Variants in IDO2 observed in about 807,000 individuals in gnomAD.
IDO2 encodes indoleamine 2,3-dioxygenase-like 1 protein.
IDO2 carries 46 observed loss-of-function variants against 45.1 expected under a neutral mutation model. The observed-to-expected ratio is 1.02, with a 90% confidence interval of 0.80 to 1.30. The LOEUF (loss-of-function observed/expected upper bound fraction) is 1.30. Ranked by LOEUF, IDO2 falls within the 50% of genes most tolerant of loss-of-function variation. The probability of loss-of-function intolerance (pLI) is 0.00; values close to 1 mark genes in which losing one functional copy is unlikely to be tolerated. For synonymous variants in IDO2, 218 were observed against 184.9 expected (o/e 1.18, Z -1.45); for missense variants, 544 against 491.8 (o/e 1.11, Z -1.00).
intron 3 of IDO2, among the ~76,000 whole-genome samples, chr8:39,967,814 T>G (rs561951378): frequency 1.3e-5 from 2 of 152,346 alleles, no homozygotes; most frequent in Admixed American, 1.3e-4. Flanking sequence ...CCTATTTGTA[T>G]GGCTAATTTT....
exon 1 of IDO2, chr8:39,935,016 C>T: frequency 1.4e-6 from 1 of 702,652 alleles, no homozygotes. Context: ...GATGAAAATG[C>T]ACTGCCAGTT....
intron 2 of IDO2, 116 bp downstream of exon 2, chr8:39,949,380 T>C: frequency 1.4e-6 from 1 of 716,492 alleles, no homozygotes; most frequent in Non-Finnish European, 2.2e-6. Context: ...TCAAGTTGTT[T>C]ACCTGAGAAA....
chr8:39,969,875 CAA>C (rs34762202), intron 3 of IDO2, among the ~76,000 whole-genome samples: 39,244 of 140,750 alleles, frequency 0.28, 5,830 homozygotes, highest in South Asian at 0.38. Context: ...AACTCCTTCT[CAA>C]AAAAAAAAAA....
intron 3 of IDO2, 103 bp downstream of exon 3, chr8:39,963,806 A>AATGGTAATGAACAG: frequency 1.5e-6 from 1 of 674,336 alleles, no homozygotes; most frequent in Non-Finnish European, 2.5e-6. Context: ...GAAACTGTTC[A>AATGGTAATGAACAG]TTACCATTGA....
At chr8:40,013,532 C>G (rs1340792574) in intron 9 of IDO2, 33 bp from the exon 10 acceptor site, 2 of 1,596,176 alleles carry the variant, frequency 1.3e-6, no homozygotes, top group African/African-American at 1.3e-5. Context: ...CTCCCTGCAC[C>G]CCTTTCATCT....
rs572050408 is a variant in IDO2, at chr8:39,995,847, G to C, written c.667+6009G>C. 1.7e-4 allele frequency among the ~76,000 whole-genome samples: 26 copies of C among 152,278 alleles called. No individual in the cohort carries two copies. In the East Asian group the frequency reaches 3.9e-3, roughly 23 times the overall value. On this transcript the variant is annotated intron_variant, in intron 8 of 10. Transcript: ENST00000502986. ...GTGAGCCTTCTGTTATGCCCGGACA[G>C]GGCCACTAGAGGGCTCCTTGGTCTA... is the stretch of plus-strand genomic sequence containing the variant.
intron 9 of IDO2, 118 bp from the exon 10 acceptor site, chr8:40,013,447 C>T: frequency 2.0e-6 from 2 of 995,358 alleles, no homozygotes; most frequent in Non-Finnish European, 1.5e-6. Flanking sequence ...CAATCCCTCA[C>T]CCTAAAATTA....
chr8:39,964,752 CAAAAATAA>C (rs1563429192), intron 3 of IDO2, among the ~76,000 whole-genome samples: 2 of 151,616 alleles, frequency 1.3e-5, no homozygotes, highest in Admixed American at 6.6e-5. Flanking sequence ...CAAAGAAATC[CAAAAATAA>C]GAAAAAAACT....
Position 39,987,542 on chromosome 8 carries a change from C to T in IDO2, c.450-329C>T, listed in dbSNP as rs992811382. ...GGACTTGGCTGTTGCCTGGGTCTCT[C>T]TAGCCCTGTGGAGAATCAGCTACAT... On this transcript the variant is annotated intron_variant, in intron 6 of 10. Transcript: ENST00000502986. The T allele has an allele frequency of 7.6e-5, 16 of 211,052 alleles. No homozygotes were observed. In the South Asian group the frequency reaches 2.2e-3, roughly 29 times the overall value. 13.1% of individuals were successfully genotyped at this position (211,052 alleles called of 1,614,324 possible).
intron 6 of IDO2, chr8:39,987,348 A>G (rs1434549520): frequency 6.6e-6 from 1 of 152,274 alleles, no homozygotes; most frequent in Non-Finnish European, 1.5e-5. Flanking sequence ...GTATTTCTTT[A>G]TAGCAGTGTA....
intron 3 of IDO2, among the ~76,000 whole-genome samples, chr8:39,970,517 C>T (rs984060950): frequency 1.5e-4 from 23 of 152,174 alleles, no homozygotes; most frequent in African/African-American, 5.1e-4. Flanking sequence ...TCAGCCTTCC[C>T]AGTACCTGGG....
intron 2 of IDO2, among the ~76,000 whole-genome samples, chr8:39,955,357 T>C (rs1807877905): frequency 6.7e-6 from 1 of 149,114 alleles, no homozygotes; most frequent in African/African-American, 2.5e-5. Context: ...TGGGTTCAAG[T>C]GATTCTCCTG....
chr8:39,966,318 T>A (rs113419165), intron 3 of IDO2, among the ~76,000 whole-genome samples: 102 of 152,246 alleles, frequency 6.7e-4, no homozygotes, highest in African/African-American at 2.4e-3. Flanking sequence ...TGAGCCACCA[T>A]GCACGGCCTC....
intron 3 of IDO2, among the ~76,000 whole-genome samples, chr8:39,977,443 G>T (rs1808275632): frequency 6.6e-6 from 1 of 152,236 alleles, no homozygotes; most frequent in South Asian, 2.1e-4. Context: ...GGAGGCCAAG[G>T]CGGGAGGATT....
chr8:39,936,189 A>G (rs947341936), intron 1 of IDO2, among the ~76,000 whole-genome samples: 2 of 152,134 alleles, frequency 1.3e-5, no homozygotes, highest in African/African-American at 2.4e-5. Flanking sequence ...ATCTGGCTCT[A>G]TTTTACAAGG....
intron 3 of IDO2, among the ~76,000 whole-genome samples, chr8:39,968,923 G>A (rs546786815): frequency 6.6e-6 from 1 of 151,770 alleles, no homozygotes; most frequent in Admixed American, 6.6e-5. Flanking sequence ...CACCTAACTG[G>A]ACTACAAATG....
chr8:39,990,054 G>A (rs1005246405), intron 8 of IDO2, among the ~76,000 whole-genome samples: 2 of 152,094 alleles, frequency 1.3e-5, no homozygotes, highest in African/African-American at 2.4e-5. Flanking sequence ...ATATTCTCCC[G>A]TGATTAAGAT....
chr8:40,009,067 C>T (rs370463810), intron 9 of IDO2, among the ~76,000 whole-genome samples: 274 of 152,092 alleles, frequency 1.8e-3, no homozygotes, highest in East Asian at 0.013. Context: ...CAGGCTGGAG[C>T]GCAATGGCGC....
Position 39,935,043 on chromosome 8 carries a change from C to A in IDO2, c.-193C>A, listed in dbSNP as rs1282125194. 2.5e-6 allele frequency: 2 copies of A among 791,056 alleles called. No homozygotes were observed. The highest frequency in any genetic ancestry group is 4.5e-6 in the Non-Finnish European group (2 of 439,902). 49.0% of individuals were successfully genotyped at this position (791,056 alleles called of 1,614,324 possible). On this transcript the variant is annotated 5_prime_UTR_variant, in exon 1 of 11. The change creates a new upstream start codon in the 5' untranslated region. Transcript: ENST00000502986. ...CTGCCAGTTGAAACATCCTCCTACACTGGAGCTTTATAAATATTTTAAAGA... is the reference window on the plus strand; with the variant it reads ...CTGCCAGTTGAAACATCCTCCTACAATGGAGCTTTATAAATATTTTAAAGA...
Sources: gnomAD v4.1 joint callset for allele counts (sites outside exome capture counted in the v4.1 genomes callset) on GRCh38, gnomAD v4.1.1 for gene constraint, MANE v1.5 for transcripts, NCBI Gene and HGNC (gene_info 2026-07-23, HGNC 2026-07-21) for gene names.